NRG3: variants seen among roughly 807,000 people sequenced by gnomAD.
The protein encoded by NRG3 is pro-neuregulin-3, membrane-bound isoform.
NRG3 carries 31 observed loss-of-function variants against 66.9 expected under a neutral mutation model. The observed-to-expected ratio is 0.46, with a 90% CI of 0.35 to 0.63. The LOEUF is 0.63. Ranked by LOEUF, NRG3 falls within the 20% of genes least tolerant of loss-of-function variation. The probability of loss-of-function intolerance (pLI) is 0.00; values close to 1 mark genes in which losing one functional copy is unlikely to be tolerated. For missense variants in NRG3, 910 were observed against 878.9 expected, an observed-to-expected ratio of 1.04 and a Z score of -0.45; for synonymous variants, 393 against 359.4, an observed-to-expected ratio of 1.09 and a Z score of -1.06.
chr10:82,348,897 G>A lies in NRG3; in HGVS notation c.824-9842G>A, dbSNP rs1589805580. Among the ~76,000 whole-genome samples the A allele has an allele frequency of 6.8e-5, 10 of 146,072 alleles. No individual in the cohort carries two copies. The South Asian group carries it at 1.7e-3, about 26-fold the overall frequency. ...CTTCTGCATTCTTCACGTAGTTCTC[G>A]AGCCTTGGTTTTCAGCTCCATCAGC... On this transcript the variant is annotated intron_variant, in intron 1 of 8. Coordinates refer to ENST00000372141, the MANE Select transcript of NRG3 (RefSeq NM_001010848.4).
intron 1 of NRG3, among the ~76,000 whole-genome samples, chr10:82,015,558 T>C (rs1415629471): frequency 1.3e-5 from 2 of 152,008 alleles, no homozygotes; most frequent in East Asian, 1.9e-4. Context: ...TCTTGTGACA[T>C]ATGGTGAATT....
In NRG3 at chr10:82,151,352, A is replaced by G. The variant is rs187773292; in HGVS notation, c.824-207387A>G. 3.8e-3 allele frequency among the ~76,000 whole-genome samples: 584 copies of G among 152,378 alleles called. 6 individuals are homozygous for G. The highest frequency in any genetic ancestry group is 0.013 in the African/African-American group (552 of 41,598). ...TGTTTTACTTTTAATTTTTCAGTAC[A>G]TGAAAGAAAAGATGCCTGTTTTCTA... On this transcript the variant is annotated intron_variant, in intron 1 of 8. Transcript: ENST00000372141.
intron 1 of NRG3, among the ~76,000 whole-genome samples, chr10:82,317,656 C>T (rs2081363924): frequency 6.6e-6 from 1 of 152,196 alleles, no homozygotes; most frequent in African/African-American, 2.4e-5. Flanking sequence ...CTGGATGAAA[C>T]ATAGCATATG....
chr10:81,929,330 G>T (rs1281138019), intron 1 of NRG3, among the ~76,000 whole-genome samples: 1 of 152,086 alleles, frequency 6.6e-6, no homozygotes, highest in African/African-American at 2.4e-5. Flanking sequence ...CTCTCAAATG[G>T]ACCTTGATCA....
chr10:82,253,729 T>G lies in NRG3; in HGVS notation c.824-105010T>G, dbSNP rs191039663. 1.2e-3 allele frequency among the ~76,000 whole-genome samples: 184 copies of G among 152,356 alleles called. 1 individual carries two copies. Among genetic ancestry groups the G allele is most frequent in the African/African-American group, 4.3e-3 (178 of 41,594 alleles). ...ATTTTATCATTTGATTCCCCTGCTT[T>G]AAAACTTTAGTGTCATTCCATAGCT... On this transcript the variant is annotated intron_variant, in intron 1 of 8. Coordinates refer to ENST00000372141, the MANE Select transcript of NRG3 (RefSeq NM_001010848.4).
intron 2 of NRG3, among the ~76,000 whole-genome samples, chr10:82,469,548 G>A (rs563176558): frequency 5.3e-5 from 8 of 152,142 alleles, no homozygotes; most frequent in South Asian, 4.1e-4. Flanking sequence ...TGACAAAGAC[G>A]TACAGTTCAG....
At chr10:82,465,120 C>T (rs956889455) in intron 2 of NRG3, among the ~76,000 whole-genome samples, 7 of 152,270 alleles carry the variant, frequency 4.6e-5, no homozygotes, top group African/African-American at 1.7e-4. Context: ...CAGTGGCACA[C>T]CAGAGTGGCT....
chr10:82,616,608 T>A (rs1429934099), intron 2 of NRG3, among the ~76,000 whole-genome samples: 2 of 152,216 alleles, frequency 1.3e-5, no homozygotes, highest in South Asian at 4.1e-4. Flanking sequence ...GTGATCATAT[T>A]GTGATAAATC....
intron 3 of NRG3, among the ~76,000 whole-genome samples, chr10:82,803,508 A>G (rs2061140973): frequency 6.6e-6 from 1 of 152,216 alleles, no homozygotes; most frequent in Non-Finnish European, 1.5e-5. Context: ...TCTCATTTGT[A>G]AATCTCAGAA....
chr10:82,984,927 A>G lies in NRG3; in HGVS notation c.1584-171A>G, dbSNP rs1483147252. 3 of 1,247,748 alleles carry G rather than the reference A, an allele frequency of 2.4e-6. No individual in the cohort carries two copies. In the African/African-American group the frequency reaches 4.4e-5, roughly 18 times the overall value. 77.3% of individuals were successfully genotyped at this position (1,247,748 alleles called of 1,614,324 possible). A position where few individuals can be genotyped will look rare whatever the true frequency, so the allele number is the denominator to read the frequency against. On this transcript the variant is annotated intron_variant, in intron 8 of 8. Transcript: ENST00000372141. ...TGACCTTGGGCAAGTCACTTCACCTATCTGAGCTTCAGTTTACTTCTCTGT... is the reference window on the plus strand; with the variant it reads ...TGACCTTGGGCAAGTCACTTCACCTGTCTGAGCTTCAGTTTACTTCTCTGT...
chr10:81,907,563 G>C (rs1339622195), intron 1 of NRG3, among the ~76,000 whole-genome samples: 3 of 151,998 alleles, frequency 2.0e-5, no homozygotes, highest in Non-Finnish European at 2.9e-5. Flanking sequence ...ACACTGACTT[G>C]GTAAAAGAGA....
intron 1 of NRG3, among the ~76,000 whole-genome samples, chr10:82,337,751 G>GTATA (rs141202354): frequency 1.4e-4 from 21 of 152,188 alleles, no homozygotes; most frequent in African/African-American, 5.1e-4. Flanking sequence ...TTTGTTGGAT[G>GTATA]TATGTATATA....
chr10:82,705,781 G>A (rs756229624), intron 2 of NRG3, among the ~76,000 whole-genome samples: 1 of 152,248 alleles, frequency 6.6e-6, no homozygotes, highest in East Asian at 1.9e-4. Flanking sequence ...ATGTTAAAGT[G>A]TTTTTTATTT....
intron 3 of NRG3, among the ~76,000 whole-genome samples, chr10:82,774,717 C>T (rs2059832697): frequency 6.7e-6 from 1 of 150,328 alleles, no homozygotes; most frequent in African/African-American, 2.4e-5. Flanking sequence ...TTCAAAGAAA[C>T]AACTCTTGGT....
At chr10:82,867,719 G>A (rs1267626415) in intron 4 of NRG3, among the ~76,000 whole-genome samples, 6 of 152,128 alleles carry the variant, frequency 3.9e-5, no homozygotes, top group South Asian at 2.1e-4. Flanking sequence ...GGTGTGTTGC[G>A]GAATGTGGAT....
At chr10:82,093,206 T>C (rs566722502) in intron 1 of NRG3, among the ~76,000 whole-genome samples, 96 of 152,304 alleles carry the variant, frequency 6.3e-4, no homozygotes, top group African/African-American at 2.3e-3. Context: ...GCCTAAACAA[T>C]TAACTTACTA....
chr10:82,011,930 C>T (rs1438765081), intron 1 of NRG3, among the ~76,000 whole-genome samples: 4 of 152,196 alleles, frequency 2.6e-5, no homozygotes, highest in Admixed American at 1.3e-4. Flanking sequence ...TGCAAGCTGT[C>T]GGTGGATCTA....
At chr10:81,947,079 G>A (rs953939595) in intron 1 of NRG3, among the ~76,000 whole-genome samples, 1 of 152,094 alleles carries the variant, frequency 6.6e-6, no homozygotes, top group Non-Finnish European at 1.5e-5. Context: ...AAACTATAGG[G>A]GAAGGACACT....
At chr10:82,747,839 A>G (rs938293059) in intron 3 of NRG3, among the ~76,000 whole-genome samples, 2 of 151,844 alleles carry the variant, frequency 1.3e-5, no homozygotes, top group Non-Finnish European at 2.9e-5. Context: ...GGTATTTTTT[A>G]AAAAGTAGTT....
Sources: allele counts gnomAD v4.1 joint callset (sites outside exome capture counted in the v4.1 genomes callset), GRCh38; gene constraint gnomAD v4.1.1; transcripts MANE v1.5; gene names NCBI Gene and HGNC (gene_info 2026-07-23, HGNC 2026-07-21).